The following ATP2B4 variants were observed in gnomAD, a reference collection of about 807,000 sequenced individuals.
The protein encoded by ATP2B4 is plasma membrane calcium-transporting ATPase 4.
In ATP2B4, 39 loss-of-function variants were observed where a neutral mutation model predicts 110.3. The observed-to-expected ratio is 0.35, with a 90% confidence interval of 0.27 to 0.46. The LOEUF (loss-of-function observed/expected upper bound fraction) is 0.46, where lower values mean the gene tolerates loss of function less well. Ranked by LOEUF, ATP2B4 falls within the 20% of genes least tolerant of loss-of-function variation. ATP2B4 has a pLI of 1.00. For missense variants in ATP2B4, 1,135 were observed against 1,530.9 expected, an observed-to-expected ratio of 0.74 and a Z score of 4.32; for synonymous variants, 538 against 571.7, an observed-to-expected ratio of 0.94 and a Z score of 0.84.
intron 20 of ATP2B4, among the ~76,000 whole-genome samples, chr1:203,734,630 C>T (rs1203825403): frequency 8.0e-5 from 12 of 150,632 alleles, no homozygotes; most frequent in African/African-American, 2.7e-4. Context: ...CACTTGAACC[C>T]GGGAGTCAGA....
chr1:203,701,986 G>T, intron 6 of ATP2B4, 58 bp from the exon 7 acceptor site: 1 of 1,598,612 alleles, frequency 6.3e-7, no homozygotes, highest in South Asian at 1.1e-5. Flanking sequence ...CAACAAATTG[G>T]ATCTCTTAAT....
In ATP2B4 at chr1:203,741,429, G is replaced by T. The variant is rs950949710; in HGVS notation, c.*1575G>T. ...CCTTACTGGGACAACGTGGAGCCACGTTTGCAGGAGCTCCATTTGTATCCC... is the reference window on the plus strand; with the variant it reads ...CCTTACTGGGACAACGTGGAGCCACTTTTGCAGGAGCTCCATTTGTATCCC... On this transcript the variant is annotated 3_prime_UTR_variant, in exon 21 of 21. Transcript: ENST00000357681. The T allele has an allele frequency of 6.6e-6, 1 of 152,646 alleles. No homozygotes were observed. Among genetic ancestry groups the T allele is most frequent in the African/African-American group, 2.4e-5 (1 of 41,454 alleles). The allele number at this position is 152,646 out of a possible 1,614,324, so 9.5% of individuals were successfully genotyped here. A position where few individuals can be genotyped will look rare whatever the true frequency, so the allele number is the denominator to read the frequency against.
At position 203,709,307 on chromosome 1, in the gene ATP2B4, G is replaced by C. The variant is rs760280399; in HGVS notation, c.1564G>C (p.Glu522Gln). Residue 522 changes from glutamate (E) to glutamine (Q), a missense_variant, in exon 11 of 21, where the codon GAG (glutamate) becomes CAG (glutamine). Transcript: ENST00000357681. ...SAYTSKILPP[E>Q]KEGGLPRQVG... ...TGTATATTTCTTCTCCCAGCCTCCAGAGAAGGAGGGAGGCCTGCCTCGGCA... is the reference window on the plus strand; with the variant it reads ...TGTATATTTCTTCTCCCAGCCTCCACAGAAGGAGGGAGGCCTGCCTCGGCA... 1 of 1,614,216 alleles carries C rather than the reference G, an allele frequency of 6.2e-7. No homozygotes were observed. Among genetic ancestry groups the C allele is most frequent in the South Asian group, 1.1e-5 (1 of 91,082 alleles).
chr1:203,707,154 T>C lies in ATP2B4; in HGVS notation c.1245T>C (p.Thr415=). The C allele has an allele frequency of 1.2e-6, 2 of 1,614,200 alleles. No homozygotes were observed. Among genetic ancestry groups the C allele is most frequent in the Non-Finnish European group, 1.7e-6 (2 of 1,180,034 alleles). ...TCAAGTTCTTCATCATCGGCATCAC[T>C]GTACTGGTGGTGGCTGTGCCAGAGG... ...YFVKFFIIGI[T]VLVVAVPEGL... The change falls in exon 9 of 21, where the codon ACT becomes ACC. Residue 415 remains threonine (T), a synonymous_variant. Coordinates refer to ENST00000357681, the MANE Select transcript of ATP2B4 (RefSeq NM_001684.5).
chr1:203,638,817 C>T (rs1450374226), intron 1 of ATP2B4, among the ~76,000 whole-genome samples: 1 of 152,148 alleles, frequency 6.6e-6, no homozygotes, highest in Non-Finnish European at 1.5e-5. Context: ...ATTCTAGAAA[C>T]CATAAAGGTG....
At chr1:203,708,941 G>T (rs1424810201) in intron 10 of ATP2B4, among the ~76,000 whole-genome samples, 2 of 152,168 alleles carry the variant, frequency 1.3e-5, no homozygotes, top group Non-Finnish European at 2.9e-5. Context: ...CAGATCACCT[G>T]AGGTCAGGAG....
At chr1:203,673,887 G>A (rs1397328378) in intron 1 of ATP2B4, among the ~76,000 whole-genome samples, 1 of 152,094 alleles carries the variant, frequency 6.6e-6, no homozygotes, top group Non-Finnish European at 1.5e-5. Flanking sequence ...GGTAGCCCAG[G>A]GAGATGACCC....
chr1:203,656,486 CAGGTG>C (rs1180377486), intron 1 of ATP2B4, among the ~76,000 whole-genome samples: 1 of 152,164 alleles, frequency 6.6e-6, no homozygotes, highest in African/African-American at 2.4e-5. Flanking sequence ...AAGGATTTCA[CAGGTG>C]AAAAGATTTC....
intron 1 of ATP2B4, among the ~76,000 whole-genome samples, chr1:203,640,300 G>C (rs1206222709): frequency 6.6e-6 from 1 of 152,070 alleles, no homozygotes; most frequent in Non-Finnish European, 1.5e-5. Context: ...TCCTTGCTTA[G>C]ATCAAGATCT....
At position 203,716,437 on chromosome 1, in the gene ATP2B4, C is replaced by T. The variant is rs1483762179; in HGVS notation, c.2406+2160C>T. Among the ~76,000 whole-genome samples the T allele has an allele frequency of 6.2e-5, 9 of 145,052 alleles. 2 individuals carry two copies. On this transcript the variant is annotated intron_variant, in intron 15 of 20. Coordinates refer to ENST00000357681, the MANE Select transcript of ATP2B4 (RefSeq NM_001684.5). Reference sequence around the variant, plus strand: ...TAGGCACCTTCTGCCTAGCACATACCAAAATTCCAGACTCCCAAAAGGAAA... The same window carrying T: ...TAGGCACCTTCTGCCTAGCACATACTAAAATTCCAGACTCCCAAAAGGAAA...
chr1:203,688,000 T>TATTAAG (rs1665251523), intron 2 of ATP2B4, among the ~76,000 whole-genome samples: 2 of 136,860 alleles, frequency 1.5e-5, no homozygotes, highest in Admixed American at 1.4e-4. Flanking sequence ...AAGAGATTAT[T>TATTAAG]ATTATTATTA....
chr1:203,657,604 T>A lies in ATP2B4; in HGVS notation c.-464-25138T>A. ...GCATGACACTGTTTAAGGTAAAGCTTAGCCTTCAGACCAATCATTTGCTTT... is the reference window on the plus strand; with the variant it reads ...GCATGACACTGTTTAAGGTAAAGCTAAGCCTTCAGACCAATCATTTGCTTT... On this transcript the variant is annotated intron_variant, in intron 1 of 20. Transcript: ENST00000357681. The A allele has an allele frequency of 5.1e-6, 5 of 973,372 alleles. No individual in the cohort carries two copies. The South Asian group carries it at 6.4e-5, about 12-fold the overall frequency. The allele number at this position is 973,372 out of a possible 1,614,324, so 60.3% of individuals were successfully genotyped here. A position where few individuals can be genotyped will look rare whatever the true frequency, so the allele number is the denominator to read the frequency against.
intron 1 of ATP2B4, among the ~76,000 whole-genome samples, chr1:203,648,574 G>A (rs1455586412): frequency 6.6e-6 from 1 of 152,184 alleles, no homozygotes; most frequent in African/African-American, 2.4e-5. Context: ...AGTACTGGTG[G>A]CCTCCATGAC....
Position 203,722,605 on chromosome 1 carries a change from G to A in ATP2B4, c.2940G>A (p.Lys980=). Residue 980 remains lysine (K), a synonymous_variant, in exon 18 of 21, where the codon AAG becomes AAA. Transcript: ENST00000357681. ...MQLFNEINSR[K]IHGEKNVFSG... is the part of the protein sequence containing the mutation. ...TCTTCAATGAAATCAACTCCCGAAA[G>A]ATCCATGGAGAGAAGAACGTCTTTT... 6.2e-7 allele frequency: 1 copy of A among 1,614,162 alleles called. No homozygotes were observed. The highest frequency in any genetic ancestry group is 1.1e-5 in the South Asian group (1 of 91,068).
intron 15 of ATP2B4, among the ~76,000 whole-genome samples, chr1:203,715,911 A>C (rs1666147446): frequency 6.9e-6 from 1 of 144,476 alleles, no homozygotes; most frequent in African/African-American, 2.5e-5. Flanking sequence ...TTCTATACAA[A>C]CCCATAGAAT....
chr1:203,731,580 C>T (rs2102233059), intron 20 of ATP2B4, among the ~76,000 whole-genome samples: 1 of 152,130 alleles, frequency 6.6e-6, no homozygotes, highest in African/African-American at 2.4e-5. Context: ...TGGCCGGGCG[C>T]GGTGGCTCAC....
At chr1:203,716,288 T>A (rs1396412108) in intron 15 of ATP2B4, among the ~76,000 whole-genome samples, 1 of 145,090 alleles carries the variant, frequency 6.9e-6, no homozygotes, top group African/African-American at 2.5e-5. Flanking sequence ...CTCCCTCCCA[T>A]GAGGAGTCAA....
chr1:203,648,332 A>G (rs973406203), intron 1 of ATP2B4, among the ~76,000 whole-genome samples: 6 of 152,116 alleles, frequency 3.9e-5, no homozygotes, highest in Non-Finnish European at 7.4e-5. Flanking sequence ...AGGGGCAGAG[A>G]GAAAGGAAGA....
At chr1:203,685,807 A>G (rs1336836280) in intron 2 of ATP2B4, among the ~76,000 whole-genome samples, 1 of 152,220 alleles carries the variant, frequency 6.6e-6, no homozygotes, top group Non-Finnish European at 1.5e-5. Flanking sequence ...CTGAGATTAA[A>G]TAATACATAT....
Sources: allele counts gnomAD v4.1 joint callset (sites outside exome capture counted in the v4.1 genomes callset), GRCh38; gene constraint gnomAD v4.1.1; transcripts MANE v1.5; gene names NCBI Gene and HGNC (gene_info 2026-07-23, HGNC 2026-07-21).